The following PSD2 variants were observed in gnomAD, a reference collection of about 807,000 sequenced individuals.
PSD2 encodes the protein PH and SEC7 domain-containing protein 2.
PSD2 carries 38 observed loss-of-function variants against 69.8 expected under a neutral mutation model. That is an observed-to-expected ratio of 0.54 (90% CI 0.42 to 0.71). The LOEUF is 0.71. PSD2 is among the 30% of genes least tolerant of loss of function. The pLI is 0.00. For missense variants in PSD2, 943 were observed against 1,014.5 expected (o/e 0.93, Z 0.96); for synonymous variants, 412 against 423.0 (o/e 0.97, Z 0.32).
the PSD2 span, among the ~76,000 whole-genome samples, chr5:139,743,326 TGGA>T: frequency 1.3e-5 from 2 of 152,148 alleles, no homozygotes; most frequent in Admixed American, 1.3e-4. Flanking sequence ...GCACTGACCC[TGGA>T]GGGTTACTGC....
the PSD2 span, among the ~76,000 whole-genome samples, chr5:139,766,831 CTT>C: frequency 0.21 from 6,606 of 31,204 alleles, 642 homozygotes; most frequent in Non-Finnish European, 0.28. Flanking sequence ...TCCCTTCCTT[CTT>C]TCTTTCTTTC....
chr5:139,780,635 G>A, the PSD2 span, among the ~76,000 whole-genome samples: 3 of 152,070 alleles, frequency 2.0e-5, no homozygotes, highest in African/African-American at 7.2e-5. Context: ...GTAAAGACGG[G>A]GTTTCACCAT....
the PSD2 span, among the ~76,000 whole-genome samples, chr5:139,771,438 G>A: frequency 1.3e-5 from 2 of 152,070 alleles, no homozygotes; most frequent in Admixed American, 1.3e-4. Flanking sequence ...GAGTGCAGTG[G>A]CACAATCTCG....
rs775707413 is a variant in PSD2, at chr5:139,813,547, G to C, written c.610G>C (p.Ala204Pro). ...GGCTGGGTTGGGCATTGGGGACATG[G>C]CGTTTGAGGGGGACATGGGGGCAGC... ...PGAGLGIGDMAFEGDMGAAGG... is the reference protein window; with the variant it reads ...PGAGLGIGDMPFEGDMGAAGG... The change falls in exon 3 of 15, where the codon GCG (alanine) becomes CCG (proline). Residue 204 changes from alanine to proline, a missense_variant. Coordinates refer to ENST00000274710, the MANE Select transcript of PSD2 (RefSeq NM_032289.4). The C allele has an allele frequency of 5.0e-6, 8 of 1,611,030 alleles. No homozygotes were observed. The Admixed American group carries it at 1.3e-4, about 27-fold the overall frequency.
the PSD2 span, among the ~76,000 whole-genome samples, chr5:139,746,474 G>T: frequency 3.3e-5 from 5 of 152,224 alleles, no homozygotes; most frequent in Non-Finnish European, 5.9e-5. This position sits in a 1 kb window ranked among gnomAD's most constrained non-coding sequence, Gnocchi z 4.5. Context: ...TGGGCCCGCC[G>T]AATGGGATCG....
At position 139,822,015 on chromosome 5, in the gene PSD2, C is replaced by T; in HGVS notation, c.1210+10C>T. 1 of 1,558,062 alleles carries T rather than the reference C, an allele frequency of 6.4e-7. No homozygotes were observed. The highest frequency in any genetic ancestry group is 8.8e-7 in the Non-Finnish European group (1 of 1,136,634). On this transcript the variant is annotated intron_variant, in intron 6 of 14. Transcript: ENST00000274710. ...GACAGCACTTCGGAAGGTATGGCCC[C>T]TTGCCCACTCTGCCTGACCCTCCCC...
the PSD2 span, among the ~76,000 whole-genome samples, chr5:139,766,887 CCT>C: frequency 1.4e-5 from 2 of 147,944 alleles, no homozygotes; most frequent in African/African-American, 2.5e-5. Context: ...TTCTTTCTTT[CCT>C]TCTTTCCCTC....
the PSD2 span, among the ~76,000 whole-genome samples, chr5:139,786,286 GA>G: frequency 6.6e-6 from 1 of 152,154 alleles, no homozygotes; most frequent in East Asian, 1.9e-4. Context: ...ACAGGAGGCA[GA>G]GAGGTGGGGG....
At chr5:139,745,028 GGA>G in the PSD2 span, 1 of 152,602 alleles carries the variant, frequency 6.6e-6, no homozygotes, top group East Asian at 1.9e-4. Flanking sequence ...GGCAGGTGGT[GGA>G]GTCTCTTAGC....
rs551542171 is a variant in PSD2, at chr5:139,839,387, T to C, written c.1968+615T>C. ...GCCCAGAACCTTTGTGCAATGCACG[T>C]ACACCATGTATGTGCACAAACCATA... On this transcript the variant is annotated intron_variant, in intron 13 of 14. Coordinates refer to ENST00000274710, the MANE Select transcript of PSD2 (RefSeq NM_032289.4). The surrounding 1 kb of genome is among the most constrained non-coding windows in gnomAD (Gnocchi z 5.1). Among the ~76,000 whole-genome samples, 6 of 152,380 alleles carry C rather than the reference T, an allele frequency of 3.9e-5. No homozygotes were observed. The highest frequency in any genetic ancestry group is 7.3e-5 in the Non-Finnish European group (5 of 68,036).
At chr5:139,773,379 C>T in the PSD2 span, among the ~76,000 whole-genome samples, 2 of 152,150 alleles carry the variant, frequency 1.3e-5, no homozygotes, top group Non-Finnish European at 2.9e-5. Flanking sequence ...CCTCCTGCCT[C>T]AGCCTCTTGA....
At position 139,836,877 on chromosome 5, in the gene PSD2, G is replaced by A. The variant is rs151261585; in HGVS notation, c.1470G>A (p.Lys490=). Reference sequence around the variant, plus strand: ...ATGACAAGTTCGGGACAGGCACGAAGAAGGTGACGCGAATCCTGGATGGTG... The same window carrying A: ...ATGACAAGTTCGGGACAGGCACGAAAAAGGTGACGCGAATCCTGGATGGTG... ...LVDDKFGTGT[K]KVTRILDGGN... Residue 490 remains lysine, a synonymous_variant, in exon 10 of 15, where the codon AAG becomes AAA. Coordinates refer to ENST00000274710, the MANE Select transcript of PSD2 (RefSeq NM_032289.4). The A allele has an allele frequency of 7.2e-5, 117 of 1,614,228 alleles. No homozygotes were observed. In the African/African-American group the frequency reaches 1.5e-3, roughly 20 times the overall value.
At chr5:139,818,772 C>T (rs888165337) in intron 5 of PSD2, among the ~76,000 whole-genome samples, 2 of 152,148 alleles carry the variant, frequency 1.3e-5, no homozygotes, top group African/African-American at 4.8e-5. Context: ...AAATAACTCC[C>T]ACATGCTTAG....
At chr5:139,757,632 T>C in the PSD2 span, among the ~76,000 whole-genome samples, 1 of 152,162 alleles carries the variant, frequency 6.6e-6, no homozygotes. Flanking sequence ...TTCTTCCAAA[T>C]AGTGCTGGGT....
chr5:139,769,254 G>A, the PSD2 span, among the ~76,000 whole-genome samples: 1 of 152,112 alleles, frequency 6.6e-6, no homozygotes, highest in Non-Finnish European at 1.5e-5. Flanking sequence ...CAGGGCTACG[G>A]CTGCAGCAGA....
In PSD2 at chr5:139,814,869, G is replaced by C. The variant is rs1760078570; in HGVS notation, c.1016+505G>C. Among the ~76,000 whole-genome samples, 1 of 152,180 alleles carries C rather than the reference G, an allele frequency of 6.6e-6. No homozygotes were observed. Among genetic ancestry groups the C allele is most frequent in the Non-Finnish European group, 1.5e-5 (1 of 68,028 alleles). On this transcript the variant is annotated intron_variant, in intron 4 of 14. Transcript: ENST00000274710. This position sits in a 1 kb window ranked among gnomAD's most constrained non-coding sequence, Gnocchi z 4.4. ...GACCAGGTGCAAAGGGAACTGGCTA[G>C]ATGAGGGCCCCAAAGGGGACCAGGG...
At chr5:139,748,908 G>GGGGT in the PSD2 span, among the ~76,000 whole-genome samples, 2 of 105,136 alleles carry the variant, frequency 1.9e-5, no homozygotes, top group South Asian at 5.6e-4. Context: ...GGGGTATGTT[G>GGGGT]GGGGGGGTGA....
At chr5:139,786,332 A>T in the PSD2 span, among the ~76,000 whole-genome samples, 3 of 152,058 alleles carry the variant, frequency 2.0e-5, no homozygotes, top group Non-Finnish European at 2.9e-5. Context: ...GACCGGAGCG[A>T]ACAAAGATCG....
intron 7 of PSD2, among the ~76,000 whole-genome samples, chr5:139,824,020 C>T (rs959307186): frequency 6.6e-5 from 10 of 152,350 alleles, no homozygotes; most frequent in Non-Finnish European, 1.0e-4. Context: ...AGAGAGAAGA[C>T]GCATTCCATA....
Sources: gnomAD v4.1 joint callset for allele counts (sites outside exome capture counted in the v4.1 genomes callset) on GRCh38, gnomAD v4.1.1 for gene constraint, Gnocchi (gnomAD v3.1) non-coding constraint, MANE v1.5 for transcripts, NCBI Gene and HGNC (gene_info 2026-07-23, HGNC 2026-07-21) for gene names.